GAN: variants seen among roughly 807,000 people sequenced by gnomAD.
The protein encoded by GAN is gigaxonin.
In GAN, 48 loss-of-function variants were observed where a neutral mutation model predicts 71.3. That is an observed-to-expected ratio of 0.67 (90% CI 0.53 to 0.86). The LOEUF (loss-of-function observed/expected upper bound fraction) is 0.86, where lower values mean the gene tolerates loss of function less well. GAN is among the 40% of genes least tolerant of loss of function. The pLI is 0.00. For missense variants in GAN, 928 were observed against 770.1 expected (o/e 1.21, Z -2.43); for synonymous variants, 386 against 276.8 (o/e 1.39, Z -3.92).
intron 9 of GAN, among the ~76,000 whole-genome samples, chr16:81,376,462 CATATGTGTGTGT>C (rs148405192): frequency 9.2e-4 from 86 of 93,832 alleles, no homozygotes; most frequent in African/African-American, 3.1e-3. Context: ...TTTATACATA[CATATGTGTGTGT>C]GTGTGTGTGT....
intron 1 of GAN, among the ~76,000 whole-genome samples, chr16:81,338,996 C>G (rs1567484857): frequency 6.6e-6 from 1 of 152,210 alleles, no homozygotes; most frequent in Non-Finnish European, 1.5e-5. Flanking sequence ...TTTAGAAACT[C>G]TTTTAGCAGT....
chr16:81,315,036 GCA>G lies in GAN; in HGVS notation c.-77_-76del. 1.6e-6 allele frequency: 2 copies of G among 1,221,794 alleles called. No individual in the cohort carries two copies. Among genetic ancestry groups the G allele is most frequent in the Non-Finnish European group, 1.1e-6 (1 of 944,202 alleles). 75.7% of individuals were successfully genotyped at this position (1,221,794 alleles called of 1,614,324 possible). ...AGAGCCGGGCCGGGCGGGCGCGCGC[GCA>G]GGACTCGGGCCGCTCGAGGGGTCCG... On this transcript the variant is annotated 5_prime_UTR_variant, in exon 1 of 11. Coordinates refer to ENST00000648994, the MANE Select transcript of GAN (RefSeq NM_022041.4).
chr16:81,319,064 A>G (rs1909138586), intron 1 of GAN, among the ~76,000 whole-genome samples: 3 of 151,736 alleles, frequency 2.0e-5, no homozygotes, highest in Admixed American at 2.0e-4. Context: ...GGCTGTAATT[A>G]CAGCACTTCG....
In GAN at chr16:81,384,315, AAG is replaced by A. The variant is rs869117241; in HGVS notation, c.*6721_*6722del. The stretch of plus-strand genomic sequence containing the variant: ...TTTTACTACTTAAAAAAAAAAAAAA[AAG>A]AAAAGAAAAAAAAGCACTTACAACC... On this transcript the variant is annotated 3_prime_UTR_variant, in exon 11 of 11. Transcript: ENST00000648994. The A allele has an allele frequency of 1.3e-5, 2 of 150,726 alleles. No individual in the cohort carries two copies. The highest frequency in any genetic ancestry group is 4.9e-5 in the African/African-American group (2 of 40,596). The allele number at this position is 150,726 out of a possible 1,614,324, so 9.3% of individuals were successfully genotyped here.
chr16:81,347,238 A>T (rs1050120776), intron 1 of GAN, among the ~76,000 whole-genome samples: 1 of 152,252 alleles, frequency 6.6e-6, no homozygotes, highest in Non-Finnish European at 1.5e-5. Flanking sequence ...GTACCTTTTG[A>T]GTAAAACCAT....
chr16:81,364,498 C>T (rs1910784071), intron 7 of GAN, among the ~76,000 whole-genome samples: 1 of 151,982 alleles, frequency 6.6e-6, no homozygotes, highest in Non-Finnish European at 1.5e-5. Flanking sequence ...AACTCTTAGG[C>T]TGAAGCGATC....
intron 1 of GAN, among the ~76,000 whole-genome samples, chr16:81,327,774 G>C (rs1368924087): frequency 6.7e-6 from 1 of 150,158 alleles, no homozygotes; most frequent in East Asian, 1.9e-4. Flanking sequence ...AATTAGACAG[G>C]GGAAACTTGT....
rs1489856225 is a variant in GAN, at chr16:81,384,568, G to A, written c.*6972G>A. 1.3e-5 allele frequency: 2 copies of A among 152,126 alleles called. No individual in the cohort carries two copies. Among genetic ancestry groups the A allele is most frequent in the Non-Finnish European group, 2.9e-5 (2 of 68,026 alleles). 9.4% of individuals were successfully genotyped at this position (152,126 alleles called of 1,614,324 possible). On this transcript the variant is annotated 3_prime_UTR_variant, in exon 11 of 11. Coordinates refer to ENST00000648994, the MANE Select transcript of GAN (RefSeq NM_022041.4). ...AGTATTTGGGATTTGGGTGCTTGAGGATACTATTTTTTTCATTTCTTATAA... is the reference window on the plus strand; with the variant it reads ...AGTATTTGGGATTTGGGTGCTTGAGAATACTATTTTTTTCATTTCTTATAA...
At chr16:81,324,294 G>A (rs917063796) in intron 1 of GAN, among the ~76,000 whole-genome samples, 4 of 152,212 alleles carry the variant, frequency 2.6e-5, no homozygotes, top group Admixed American at 2.6e-4. Flanking sequence ...GAGGTGAGCA[G>A]TAAAGGGGTC....
In GAN at chr16:81,328,630, C is replaced by A. The variant is rs374217113; in HGVS notation, c.167+13350C>A. Among the ~76,000 whole-genome samples, 3 of 146,342 alleles carry A rather than the reference C, an allele frequency of 2.0e-5. No homozygotes were observed. The East Asian group carries it at 6.1e-4, about 30-fold the overall frequency. On this transcript the variant is annotated intron_variant, in intron 1 of 10. Transcript: ENST00000648994. ...GGAAAACTGTCTTATCATATAAAGA[C>A]CCTACCAGTGTGTATCTTATTTTTT...
chr16:81,335,207 A>C (rs566896574), intron 1 of GAN, among the ~76,000 whole-genome samples: 38 of 151,836 alleles, frequency 2.5e-4, no homozygotes, highest in African/African-American at 8.9e-4. Context: ...GAACTTTTTT[A>C]ATATGCATAT....
chr16:81,347,935 T>C (rs542845094), intron 1 of GAN, among the ~76,000 whole-genome samples: 12 of 152,238 alleles, frequency 7.9e-5, no homozygotes, highest in African/African-American at 2.9e-4. Context: ...GGGACATTAC[T>C]TTTTTTCAGG....
In GAN at chr16:81,316,893, C is replaced by T. The variant is rs1480037982; in HGVS notation, c.167+1613C>T. 2.6e-5 allele frequency among the ~76,000 whole-genome samples: 4 copies of T among 152,332 alleles called. No homozygotes were observed. In the East Asian group the frequency reaches 7.7e-4, roughly 29 times the overall value. ...TTGTTTTTCGAGACTGAGTTTCACT[C>T]TTTAGCCCAGGCTAGAGTGCAGTGG... On this transcript the variant is annotated intron_variant, in intron 1 of 10. Transcript: ENST00000648994.
At chr16:81,374,805 G>A (rs1294682215) in intron 9 of GAN, among the ~76,000 whole-genome samples, 2 of 152,150 alleles carry the variant, frequency 1.3e-5, no homozygotes, top group Non-Finnish European at 2.9e-5. Flanking sequence ...TCTTCATAGA[G>A]CCTCAAATCC....
chr16:81,316,900 C>A (rs940915846), intron 1 of GAN, among the ~76,000 whole-genome samples: 1 of 152,176 alleles, frequency 6.6e-6, no homozygotes, highest in Non-Finnish European at 1.5e-5. Flanking sequence ...ACTCTTTAGC[C>A]CAGGCTAGAG....
At chr16:81,315,692 C>T (rs1191676301) in intron 1 of GAN, among the ~76,000 whole-genome samples, 1 of 152,180 alleles carries the variant, frequency 6.6e-6, no homozygotes, top group African/African-American at 2.4e-5. Flanking sequence ...CACCCCCTCG[C>T]CCAGGCCGGG....
Position 81,365,017 on chromosome 16 carries a change from G to C in GAN, c.1280G>C (p.Gly427Ala), listed in dbSNP as rs745873735. The C allele has an allele frequency of 6.2e-7, 1 of 1,613,866 alleles. No individual in the cohort carries two copies. Among genetic ancestry groups the C allele is most frequent in the East Asian group, 2.2e-5 (1 of 44,866 alleles). Reference protein sequence around the residue: ...AAMKKKIYAMGGGSYGKLFES... With the variant: ...AAMKKKIYAMAGGSYGKLFES... ...ATGAAAAAGAAAATCTACGCCATGG[G>C]TGGAGGCTCCTACGGAAAGCTTTTT... Residue 427 changes from glycine to alanine, a missense_variant, in exon 8 of 11, where the codon GGT (glycine) becomes GCT (alanine). Gly to Ala is a moderately conservative substitution (Grantham distance 60). Coordinates refer to ENST00000648994, the MANE Select transcript of GAN (RefSeq NM_022041.4).
Position 81,388,951 on chromosome 16 carries a change from T to C in GAN, c.*11355T>C, listed in dbSNP as rs903983095. 3.3e-5 allele frequency: 5 copies of C among 152,208 alleles called. No homozygotes were observed. The highest frequency in any genetic ancestry group is 9.6e-5 in the African/African-American group (4 of 41,462). 9.4% of individuals were successfully genotyped at this position (152,208 alleles called of 1,614,324 possible). On this transcript the variant is annotated 3_prime_UTR_variant, in exon 11 of 11. Coordinates refer to ENST00000648994, the MANE Select transcript of GAN (RefSeq NM_022041.4). ...TTATTGTTAGTCTAGCATATGCTCA[T>C]TGAAATTGACTTATGTTTTATTTTA...
chr16:81,335,197 G>T (rs1400333840), intron 1 of GAN, among the ~76,000 whole-genome samples: 2 of 151,870 alleles, frequency 1.3e-5, no homozygotes, highest in Non-Finnish European at 2.9e-5. Context: ...GACAAGCTGG[G>T]AACTTTTTTA....
Sources: allele counts gnomAD v4.1 joint callset (sites outside exome capture counted in the v4.1 genomes callset), GRCh38; gene constraint gnomAD v4.1.1; transcripts MANE v1.5; gene names NCBI Gene and HGNC (gene_info 2026-07-23, HGNC 2026-07-21).